The following TACC1 variants were observed in gnomAD, a reference collection of about 807,000 sequenced individuals.
TACC1 encodes transforming acidic coiled-coil-containing protein 1.
TACC1 carries 48 observed loss-of-function variants against 84.4 expected under a neutral mutation model. The ratio of observed to expected loss-of-function variants is 0.57; its 90% CI spans 0.45 to 0.72. The LOEUF is 0.72. TACC1 is among the 30% of genes least tolerant of loss of function. The probability of loss-of-function intolerance (pLI) is 0.00; values close to 1 mark genes in which losing one functional copy is unlikely to be tolerated. For synonymous variants in TACC1, 372 were observed against 376.3 expected, an observed-to-expected ratio of 0.99 and a Z score of 0.13; for missense variants, 920 against 973.0, an observed-to-expected ratio of 0.95 and a Z score of 0.72.
At chr8:38,788,139 T>C (rs1357921325) in intron 1 of TACC1, 11 of 197,324 alleles carry the variant, frequency 5.6e-5, no homozygotes, top group Non-Finnish European at 1.0e-4. Context: ...GGCCCTACCG[T>C]GTACCCAAAA....
intron 2 of TACC1, among the ~76,000 whole-genome samples, chr8:38,819,207 T>A (rs73677614): frequency 0.012 from 1,859 of 152,358 alleles, 41 homozygotes; most frequent in African/African-American, 0.043. Context: ...CTACAGAATG[T>A]TAACATCACA....
chr8:38,820,688 T>C, intron 3 of TACC1, 53 bp downstream of exon 3: 1 of 1,552,530 alleles, frequency 6.4e-7, no homozygotes, highest in South Asian at 1.2e-5. Context: ...CTGTTGAGTT[T>C]GGCAGCCAGC....
chr8:38,740,690 A>G (rs1276892537), intron 1 of TACC1, among the ~76,000 whole-genome samples: 1 of 152,224 alleles, frequency 6.6e-6, no homozygotes, highest in Admixed American at 6.5e-5. Context: ...CTACTGATCT[A>G]TCCATATACT....
intron 3 of TACC1, among the ~76,000 whole-genome samples, chr8:38,777,328 G>A (rs1815014894): frequency 6.6e-6 from 1 of 152,026 alleles, no homozygotes; most frequent in African/African-American, 2.4e-5. Context: ...TTAGTCTAGG[G>A]CCGCAGGCTG....
rs1044436509 is a variant in TACC1, at chr8:38,825,320, G to A, written c.1404G>A (p.Lys468=). The A allele has an allele frequency of 6.2e-7, 1 of 1,614,148 alleles. No individual in the cohort carries two copies. Among genetic ancestry groups the A allele is most frequent in the Non-Finnish European group, 8.5e-7 (1 of 1,180,014 alleles). ...CTTCTCTTTCCAGGAGTGGCTGTAA[G>A]GTGAAGAAGCATGAAACTCAGTCTC... The part of the protein sequence containing the change: ...AKSRLITSGC[K]VKKHETQSLA... The change falls in exon 4 of 13, where the codon AAG becomes AAA. Residue 468 remains lysine, a synonymous_variant. Coordinates refer to ENST00000317827, the MANE Select transcript of TACC1 (RefSeq NM_006283.3).
intron 8 of TACC1, chr8:38,839,455 C>A: frequency 2.7e-6 from 1 of 373,966 alleles, no homozygotes; most frequent in South Asian, 1.4e-4. Flanking sequence ...GTATATCCCT[C>A]TAATTTGTTG....
intron 6 of TACC1, among the ~76,000 whole-genome samples, chr8:38,834,575 G>C (rs1004822398): frequency 6.6e-6 from 1 of 152,138 alleles, no homozygotes; most frequent in Non-Finnish European, 1.5e-5. Flanking sequence ...TTGGACTTCT[G>C]TTGGCATGGT....
Position 38,851,963 on chromosome 8 carries a change from A to T in TACC1, c.*3940A>T, listed in dbSNP as rs542823693. 6.6e-6 allele frequency: 3 copies of T among 456,370 alleles called. No homozygotes were observed. The highest frequency in any genetic ancestry group is 4.6e-5 in the South Asian group (3 of 64,560). The allele number at this position is 456,370 out of a possible 1,614,324, so 28.3% of individuals were successfully genotyped here. A position where few individuals can be genotyped will look rare whatever the true frequency, so the allele number is the denominator to read the frequency against. On this transcript the variant is annotated 3_prime_UTR_variant, in exon 13 of 13. Transcript: ENST00000317827. Reference sequence around the variant, plus strand: ...TGGCCTCCAGATTCCAGTTATTTTTAAAAAGCAACTTACCACTAAATCCTT... The same window carrying T: ...TGGCCTCCAGATTCCAGTTATTTTTTAAAAGCAACTTACCACTAAATCCTT...
At chr8:38,771,169 G>C (rs1186694921) in intron 3 of TACC1, among the ~76,000 whole-genome samples, 2 of 152,324 alleles carry the variant, frequency 1.3e-5, no homozygotes, top group African/African-American at 4.8e-5. Flanking sequence ...TTGGGAAAGA[G>C]ACGGGGAGAG....
chr8:38,812,762 T>G (rs866701161), intron 2 of TACC1, among the ~76,000 whole-genome samples: 2 of 152,284 alleles, frequency 1.3e-5, no homozygotes, highest in Middle Eastern at 3.4e-3. Flanking sequence ...CCATCCTCAT[T>G]TTTCCCCTTC....
At chr8:38,746,221 C>T (rs1276490282) in intron 3 of TACC1, among the ~76,000 whole-genome samples, 2 of 152,120 alleles carry the variant, frequency 1.3e-5, no homozygotes, top group African/African-American at 2.4e-5. Context: ...TTTGATTAAT[C>T]GAAATCTCAG....
At chr8:38,824,314 T>G (rs1297751541) in intron 3 of TACC1, among the ~76,000 whole-genome samples, 1 of 152,188 alleles carries the variant, frequency 6.6e-6, no homozygotes, top group East Asian at 1.9e-4. Context: ...GGCCCCAAGA[T>G]CATCACAGCA....
At chr8:38,846,454 A>G in intron 11 of TACC1, 1 of 347,602 alleles carries the variant, frequency 2.9e-6, no homozygotes, top group Non-Finnish European at 5.2e-6. Context: ...AAAAAAAAAA[A>G]ATCTAAGACT....
In TACC1 at chr8:38,820,654, T is replaced by C. The variant is rs1189306433; in HGVS notation, c.1391+19T>C. The C allele has an allele frequency of 1.9e-6, 3 of 1,588,590 alleles. No individual in the cohort carries two copies. The highest frequency in any genetic ancestry group is 2.6e-6 in the Non-Finnish European group (3 of 1,172,654). ...TAATAACGTGAGTGACAGTGGGCGCTGGGTGTCGTGCTCTGTGTCTTGTCT... is the reference window on the plus strand; with the variant it reads ...TAATAACGTGAGTGACAGTGGGCGCCGGGTGTCGTGCTCTGTGTCTTGTCT... On this transcript the variant is annotated intron_variant, in intron 3 of 12. Transcript: ENST00000317827.
chr8:38,767,684 G>C (rs985506566), intron 3 of TACC1, among the ~76,000 whole-genome samples: 2 of 152,210 alleles, frequency 1.3e-5, no homozygotes, highest in Middle Eastern at 3.2e-3. Context: ...TGGGGAGCAA[G>C]AGTTTCTTCA....
intron 2 of TACC1, among the ~76,000 whole-genome samples, chr8:38,810,349 T>G (rs927410437): frequency 1.3e-5 from 2 of 152,196 alleles, no homozygotes; most frequent in Non-Finnish European, 2.9e-5. Flanking sequence ...ACCTGTAGTC[T>G]TAGCATTTTG....
chr8:38,779,778 G>A (rs1267727133), intron 3 of TACC1, among the ~76,000 whole-genome samples: 1 of 152,192 alleles, frequency 6.6e-6, no homozygotes, highest in Middle Eastern at 3.2e-3. Flanking sequence ...AGCCTCTGCT[G>A]TAGAGGGTGA....
chr8:38,792,381 A>G (rs544024502), intron 2 of TACC1, among the ~76,000 whole-genome samples: 1 of 152,184 alleles, frequency 6.6e-6, no homozygotes, highest in African/African-American at 2.4e-5. Context: ...GCAGCCTCCA[A>G]CTCCTGGGCT....
chr8:38,808,860 G>A (rs1823380971), intron 2 of TACC1, among the ~76,000 whole-genome samples: 1 of 151,774 alleles, frequency 6.6e-6, no homozygotes, highest in African/African-American at 2.4e-5. Context: ...TTATTCTCAG[G>A]GCTCCCCAAA....
Sources: gnomAD v4.1 joint callset for allele counts (sites outside exome capture counted in the v4.1 genomes callset) on GRCh38, gnomAD v4.1.1 for gene constraint, MANE v1.5 for transcripts, NCBI Gene and HGNC (gene_info 2026-07-23, HGNC 2026-07-21) for gene names.